Variants in RBFOX1 observed in about 807,000 individuals in gnomAD.
RBFOX1 encodes the protein RNA binding protein fox-1 homolog 1.
A neutral mutation model predicts 57.7 loss-of-function variants in RBFOX1; 8 were observed. The ratio of observed to expected loss-of-function variants is 0.14; its 90% CI spans 0.08 to 0.25. The LOEUF (loss-of-function observed/expected upper bound fraction) is 0.25, where lower values mean the gene tolerates loss of function less well. RBFOX1 is among the 10% of genes least tolerant of loss of function. The probability of loss-of-function intolerance (pLI) is 1.00; values close to 1 mark genes in which losing one functional copy is unlikely to be tolerated. For missense variants in RBFOX1, 611 were observed against 548.5 expected (o/e 1.11, Z -1.14); for synonymous variants, 326 against 222.4 (o/e 1.47, Z -4.15).
intron 3 of RBFOX1, among the ~76,000 whole-genome samples, chr16:6,807,167 A>G (rs558085186): frequency 6.2e-4 from 94 of 152,056 alleles, no homozygotes; most frequent in South Asian, 1.5e-3. Context: ...ACTGGTTACA[A>G]TGTGAGAAAC....
rs566973479 is a variant in RBFOX1, at chr16:5,251,481, C to G, written c.219+11376C>G. Among the ~76,000 whole-genome samples the G allele has an allele frequency of 7.1e-4, 108 of 152,296 alleles. 1 individual carries two copies. The highest frequency in any genetic ancestry group is 2.3e-3 in the African/African-American group (97 of 41,556). On this transcript the variant is annotated intron_variant, in intron 1 of 2. Transcript: ENST00000585867. ...TCTTAGTGCCGAGCCCAGAGCCACC[C>G]CTAGTACCTGCTGTGTTTATAGAGT...
intron 1 of RBFOX1, among the ~76,000 whole-genome samples, chr16:5,284,328 C>T (rs1475300931): frequency 6.6e-6 from 1 of 152,062 alleles, no homozygotes; most frequent in Non-Finnish European, 1.5e-5. Context: ...TTTATGGTTG[C>T]AGTTTGGTGG....
At chr16:6,201,484 A>C (rs1323194077) in intron 1 of RBFOX1, among the ~76,000 whole-genome samples, 1 of 152,082 alleles carries the variant, frequency 6.6e-6, no homozygotes, top group Non-Finnish European at 1.5e-5. Flanking sequence ...ACTTACAGAG[A>C]TAGAGTGGAA....
At chr16:6,574,424 ATTTTTTT>A (rs34505014) in intron 2 of RBFOX1, among the ~76,000 whole-genome samples, 1 of 89,942 alleles carries the variant, frequency 1.1e-5, no homozygotes, top group Non-Finnish European at 2.1e-5. Context: ...CGTATCTTCT[ATTTTTTT>A]TTTTTTTTTT....
intron 1 of RBFOX1, among the ~76,000 whole-genome samples, chr16:6,107,052 C>T (rs1057332731): frequency 8.5e-5 from 13 of 152,218 alleles, no homozygotes; most frequent in Non-Finnish European, 1.3e-4. Flanking sequence ...ACATAATCAG[C>T]AGCCCAGAGA....
intron 4 of RBFOX1, among the ~76,000 whole-genome samples, chr16:5,998,954 C>T (rs1004298235): frequency 1.3e-5 from 2 of 152,108 alleles, no homozygotes; most frequent in African/African-American, 4.8e-5. Context: ...ACTGGACTAT[C>T]TGCATTTCCC....
At chr16:5,875,016 C>G (rs182240866) in intron 4 of RBFOX1, among the ~76,000 whole-genome samples, 4 of 152,168 alleles carry the variant, frequency 2.6e-5, no homozygotes, top group Admixed American at 1.3e-4. Flanking sequence ...GAAAAATAAG[C>G]AGAGAGAAGA....
At chr16:7,066,837 C>T (rs947756644) in intron 4 of RBFOX1, among the ~76,000 whole-genome samples, 2 of 152,138 alleles carry the variant, frequency 1.3e-5, no homozygotes, top group Non-Finnish European at 2.9e-5. Context: ...ACTCTGTCTT[C>T]CCAGCCAGTG....
At position 6,417,104 on chromosome 16, in the gene RBFOX1, C is replaced by T. The variant is rs146885961; in HGVS notation, c.-64+100047C>T. Among the ~76,000 whole-genome samples, 1,486 of 152,114 alleles carry T rather than the reference C, an allele frequency of 9.8e-3. 24 individuals carry two copies. Among genetic ancestry groups the T allele is most frequent in the African/African-American group, 0.033 (1,373 of 41,482 alleles). On this transcript the variant is annotated intron_variant, in intron 2 of 15. Coordinates refer to ENST00000550418, the MANE Select transcript of RBFOX1 (RefSeq NM_018723.4). ...TTGGCTCACTGCATCCTCTGCCTCC[C>T]GGGTTCAAGCGATTCTCCTGCCTCA...
chr16:6,240,405 G>T (rs1190197275), intron 1 of RBFOX1, among the ~76,000 whole-genome samples: 1 of 152,022 alleles, frequency 6.6e-6, no homozygotes, highest in East Asian at 1.9e-4. Flanking sequence ...TAGTGTGGGT[G>T]GGAAGAACCA....
intron 2 of RBFOX1, among the ~76,000 whole-genome samples, chr16:6,428,025 G>A (rs1165690655): frequency 6.6e-6 from 1 of 152,160 alleles, no homozygotes; most frequent in East Asian, 1.9e-4. Context: ...GCTCATGCCT[G>A]TAATCCCAGC....
chr16:5,457,602 A>T (rs1382801232), intron 1 of RBFOX1, among the ~76,000 whole-genome samples: 1 of 152,090 alleles, frequency 6.6e-6, no homozygotes, highest in East Asian at 1.9e-4. Flanking sequence ...GCAGCCTTTG[A>T]GTTAACTCTT....
At chr16:6,421,289 GA>G in intron 2 of RBFOX1, among the ~76,000 whole-genome samples, 1 of 152,334 alleles carries the variant, frequency 6.6e-6, no homozygotes, top group African/African-American at 2.4e-5. Context: ...ATGGGAGAAG[GA>G]GTCTTGAGCC....
At chr16:7,556,418 T>G (rs867125144) in intron 5 of RBFOX1, among the ~76,000 whole-genome samples, 16 of 152,308 alleles carry the variant, frequency 1.1e-4, no homozygotes, top group African/African-American at 3.9e-4. Flanking sequence ...CTTTCTTAGA[T>G]GATGGTACCC....
chr16:7,555,607 CAGGTCTCTGA>C (rs1386713118), intron 5 of RBFOX1, among the ~76,000 whole-genome samples: 1 of 152,162 alleles, frequency 6.6e-6, no homozygotes, highest in Non-Finnish European at 1.5e-5. Context: ...GTGCCCTCGT[CAGGTCTCTGA>C]CGTCATCTCC....
intron 4 of RBFOX1, among the ~76,000 whole-genome samples, chr16:5,879,722 G>A (rs1407172722): frequency 6.6e-6 from 1 of 152,174 alleles, no homozygotes; most frequent in Non-Finnish European, 1.5e-5. Context: ...ACCCAAAGAG[G>A]CTTATTTCTC....
chr16:6,107,351 G>C (rs2096393626), intron 1 of RBFOX1, among the ~76,000 whole-genome samples: 1 of 151,970 alleles, frequency 6.6e-6, no homozygotes. Context: ...GCATTAATAG[G>C]TGTTGCTTCT....
Position 7,329,672 on chromosome 16 carries a change from A to T in RBFOX1, c.28-188475A>T, listed in dbSNP as rs557684570. ...ACAGGACAATAATATATAAATACAAAATCAGAATCAGAGAATGTATGAGTA... is the reference window on the plus strand; with the variant it reads ...ACAGGACAATAATATATAAATACAATATCAGAATCAGAGAATGTATGAGTA... On this transcript the variant is annotated intron_variant, in intron 4 of 15. Transcript: ENST00000550418. 1.4e-4 allele frequency among the ~76,000 whole-genome samples: 22 copies of T among 152,360 alleles called. No homozygotes were observed. In the South Asian group the frequency reaches 4.6e-3, roughly 32 times the overall value.
At chr16:7,668,534 C>G (rs370240896) in intron 13 of RBFOX1, among the ~76,000 whole-genome samples, 2 of 152,208 alleles carry the variant, frequency 1.3e-5, no homozygotes, top group South Asian at 2.1e-4. Context: ...CCCACTGCCT[C>G]TAGCCACAGT....
Sources: gnomAD v4.1 joint callset for allele counts (sites outside exome capture counted in the v4.1 genomes callset) on GRCh38, gnomAD v4.1.1 for gene constraint, MANE v1.5 for transcripts, NCBI Gene and HGNC (gene_info 2026-07-23, HGNC 2026-07-21) for gene names.